GLIS3: variants seen among roughly 807,000 people sequenced by gnomAD.
The protein encoded by GLIS3 is zinc finger protein GLIS3.
In GLIS3, 53 loss-of-function variants were observed where a neutral mutation model predicts 78.6. The ratio of observed to expected loss-of-function variants is 0.67; its 90% CI spans 0.54 to 0.85. GLIS3 has a LOEUF of 0.85. GLIS3 is among the 40% of genes least tolerant of loss of function. The pLI, the probability that GLIS3 is intolerant of heterozygous loss-of-function variation, is 0.00. For missense variants in GLIS3, 1,703 were observed against 1,231.1 expected (o/e 1.38, Z -5.74); for synonymous variants, 684 against 509.9 (o/e 1.34, Z -4.60).
At chr9:4,359,482 G>A in the GLIS3 span, among the ~76,000 whole-genome samples, 1 of 152,100 alleles carries the variant, frequency 6.6e-6, no homozygotes, top group African/African-American at 2.4e-5. Flanking sequence ...CCCTTGGTGA[G>A]CTACTGCCCA....
At chr9:4,361,343 T>G in the GLIS3 span, among the ~76,000 whole-genome samples, 2 of 152,216 alleles carry the variant, frequency 1.3e-5, no homozygotes, top group African/African-American at 4.8e-5. Flanking sequence ...GGCTGAAATA[T>G]CTCTTGCAAT....
chr9:4,155,260 C>G (rs1245205601), intron 2 of GLIS3, among the ~76,000 whole-genome samples: 2 of 152,040 alleles, frequency 1.3e-5, no homozygotes, highest in Non-Finnish European at 2.9e-5. Flanking sequence ...GGATCACTGC[C>G]AAAAGATTTT....
At chr9:4,143,257 G>A (rs1390768881) in intron 2 of GLIS3, among the ~76,000 whole-genome samples, 2 of 151,906 alleles carry the variant, frequency 1.3e-5, no homozygotes, top group African/African-American at 4.8e-5. Flanking sequence ...GTGTGTGTGT[G>A]TAGTGAGAAG....
At chr9:4,155,482 AT>A (rs1333505379) in intron 2 of GLIS3, among the ~76,000 whole-genome samples, 1 of 152,128 alleles carries the variant, frequency 6.6e-6, no homozygotes, top group Admixed American at 6.5e-5. Flanking sequence ...CCTTTTCAAT[AT>A]TTAGCGTATT....
the GLIS3 span, among the ~76,000 whole-genome samples, chr9:4,366,383 A>G: frequency 1.2e-4 from 19 of 152,214 alleles, no homozygotes; most frequent in Non-Finnish European, 2.4e-4. Context: ...AAAACGTGAA[A>G]AAAAACCCTC....
intron 4 of GLIS3, among the ~76,000 whole-genome samples, chr9:3,956,361 G>C (rs1418283244): frequency 6.6e-6 from 1 of 152,214 alleles, no homozygotes; most frequent in Admixed American, 6.5e-5. Context: ...ATGAGTTTGA[G>C]ACTATAGATG....
At chr9:4,098,464 C>T (rs1228536124) in intron 4 of GLIS3, among the ~76,000 whole-genome samples, 2 of 152,112 alleles carry the variant, frequency 1.3e-5, no homozygotes, top group Non-Finnish European at 1.5e-5. Flanking sequence ...ATGGCTTCAT[C>T]GACTAACCCT....
At chr9:4,349,635 C>G (rs999031347), upstream of GLIS3, among the ~76,000 whole-genome samples, 8 of 152,234 alleles carry the variant, frequency 5.3e-5, no homozygotes, top group African/African-American at 1.7e-4. Context: ...TTGCAAATTA[C>G]TAGCAAAAAT....
chr9:3,883,478 A>G (rs1358293914), intron 7 of GLIS3, among the ~76,000 whole-genome samples: 2 of 152,246 alleles, frequency 1.3e-5, no homozygotes, highest in South Asian at 4.1e-4. Flanking sequence ...TCCACCTTAG[A>G]GTAAAACTGT....
intron 4 of GLIS3, among the ~76,000 whole-genome samples, chr9:4,103,815 A>T (rs10974337): frequency 6.6e-6 from 1 of 152,022 alleles, no homozygotes; most frequent in African/African-American, 2.4e-5. Context: ...CTGGAAGCAT[A>T]AACACAAGTA....
At chr9:4,358,102 TTGTGTGTATGTATA>T in the GLIS3 span, among the ~76,000 whole-genome samples, 4 of 151,974 alleles carry the variant, frequency 2.6e-5, no homozygotes, top group African/African-American at 9.7e-5. Context: ...ATGTTCCCAT[TTGTGTGTATGTATA>T]TGTGTGTATG....
chr9:4,394,334 T>G, the GLIS3 span, among the ~76,000 whole-genome samples: 429 of 151,786 alleles, frequency 2.8e-3, 4 homozygotes, highest in African/African-American at 9.3e-3. Context: ...TCTCATAATT[T>G]TAAAAAATTA....
At chr9:4,467,106 G>C in the GLIS3 span, among the ~76,000 whole-genome samples, 1 of 152,206 alleles carries the variant, frequency 6.6e-6, no homozygotes, top group Non-Finnish European at 1.5e-5. Flanking sequence ...CATTGCTGAC[G>C]CTTGAGCAGG....
At chr9:4,455,440 G>C in the GLIS3 span, among the ~76,000 whole-genome samples, 40 of 152,100 alleles carry the variant, frequency 2.6e-4, no homozygotes, top group African/African-American at 9.4e-4. Flanking sequence ...TAGGCATCTT[G>C]TATAGTAAAA....
the GLIS3 span, among the ~76,000 whole-genome samples, chr9:4,464,145 T>C: frequency 6.6e-6 from 1 of 152,086 alleles, no homozygotes; most frequent in Non-Finnish European, 1.5e-5. Flanking sequence ...TTTTTTTTAT[T>C]ATATTAAGGA....
At chr9:4,045,532 T>G (rs903183711) in intron 4 of GLIS3, among the ~76,000 whole-genome samples, 4 of 151,172 alleles carry the variant, frequency 2.6e-5, no homozygotes, top group African/African-American at 9.7e-5. Flanking sequence ...TAGAGATGGG[T>G]TTCACCATGT....
chr9:4,099,420 C>T (rs964707123), intron 4 of GLIS3, among the ~76,000 whole-genome samples: 3 of 151,788 alleles, frequency 2.0e-5, no homozygotes, highest in Non-Finnish European at 2.9e-5. Flanking sequence ...GAGTTGCCCC[C>T]CCGAGCCTCT....
chr9:4,123,776 G>A lies in GLIS3; in HGVS notation c.596+1958C>T, dbSNP rs73643709. On this transcript the variant is annotated intron_variant, in intron 3 of 10. Transcript: ENST00000381971. ...GTATATCAAAATTCCACCCATGGTC[G>A]TCTCTGGGGACAGAATTCAGGATGA... 4.8e-3 allele frequency: 1,897 copies of A among 398,192 alleles called. 32 individuals are homozygous for A. The highest frequency in any genetic ancestry group is 0.034 in the African/African-American group (1,659 of 48,708). 24.7% of individuals were successfully genotyped at this position (398,192 alleles called of 1,614,324 possible). A position where few individuals can be genotyped will look rare whatever the true frequency, so the allele number is the denominator to read the frequency against.
chr9:4,005,052 C>T (rs1821431926), intron 4 of GLIS3, among the ~76,000 whole-genome samples: 1 of 152,314 alleles, frequency 6.6e-6, no homozygotes, highest in Non-Finnish European at 1.5e-5. Context: ...GTGAATTCTC[C>T]ATTCTGTTCT....
Sources: allele counts gnomAD v4.1 joint callset (sites outside exome capture counted in the v4.1 genomes callset), GRCh38; gene constraint gnomAD v4.1.1; transcripts MANE v1.5; gene names NCBI Gene and HGNC (gene_info 2026-07-23, HGNC 2026-07-21).